The following ARHGEF6 variants were observed in gnomAD, a reference collection of about 807,000 sequenced individuals.
ARHGEF6 encodes the protein rho guanine nucleotide exchange factor 6.
In ARHGEF6, 9 loss-of-function variants were observed where a neutral mutation model predicts 70.3. The observed-to-expected ratio is 0.13, with a 90% confidence interval of 0.08 to 0.22. ARHGEF6 has a LOEUF of 0.22. ARHGEF6 is among the 10% of genes least tolerant of loss of function. The probability of loss-of-function intolerance (pLI) is 1.00; values close to 1 mark genes in which losing one functional copy is unlikely to be tolerated. For missense variants in ARHGEF6, 470 were observed against 563.0 expected (o/e 0.83, Z 1.67); for synonymous variants, 201 against 207.8 (o/e 0.97, Z 0.28).
At chrX:136,735,347 C>T (rs1302695768) in intron 5 of ARHGEF6, among the ~76,000 whole-genome samples, 3 of 110,852 alleles carry the variant, frequency 2.7e-5, no homozygotes, top group Non-Finnish European at 3.8e-5. Context: ...CCTTTGCTCC[C>T]CACCCCGACC....
chrX:136,766,957 C>G (rs142138566), intron 2 of ARHGEF6, among the ~76,000 whole-genome samples: 2,280 of 112,363 alleles, frequency 0.02, 58 homozygotes, highest in African/African-American at 0.069. Context: ...CTCATCTCCC[C>G]CTTCCCGGCA....
intron 13 of ARHGEF6, 135 bp from the exon 14 acceptor site, chrX:136,682,103 G>A: frequency 1.0e-5 from 5 of 502,138 alleles, no homozygotes; most frequent in Non-Finnish European, 1.7e-5. Flanking sequence ...TAGATAATAT[G>A]TTTCCCTGCT....
chrX:136,669,503 G>A lies in ARHGEF6; in HGVS notation c.2169C>T (p.Asp723=), dbSNP rs1176405101. ...SLVDTVYALK[D]EVRELKQENK... is the part of the protein sequence containing the mutation. ...TTACCTGCTTCAGTTCTCTGACCTC[G>A]TCCTTCAAGGCGTAAACAGTATCAA... The change falls in exon 21 of 22, where the codon GAC becomes GAT. Residue 723 remains aspartate (D), a synonymous_variant. Transcript: ENST00000250617. 21 of 1,207,489 alleles carry A rather than the reference G, an allele frequency of 1.7e-5. No homozygotes were observed. Among genetic ancestry groups the A allele is most frequent in the East Asian group, 3.0e-5 (1 of 33,779 alleles).
chrX:136,776,968 T>C (rs1488904714), intron 2 of ARHGEF6, among the ~76,000 whole-genome samples: 2 of 112,116 alleles, frequency 1.8e-5, no homozygotes, highest in African/African-American at 6.5e-5. Context: ...CTCACGCCTG[T>C]AATCCCAGCA....
At chrX:136,691,033 T>C (rs936662699) in intron 9 of ARHGEF6, among the ~76,000 whole-genome samples, 2 of 110,308 alleles carry the variant, frequency 1.8e-5, no homozygotes, top group Non-Finnish European at 3.8e-5. Context: ...ACAGGCTCTG[T>C]TCTCTGATGG....
Position 136,665,577 on chromosome X carries a change from G to C in ARHGEF6, c.*2452C>G, listed in dbSNP as rs779540237. ...TTTATAAAGCACTGTTTATTTTTAT[G>C]TATTGAAAATGTCCATTTTAAAAGT... On this transcript the variant is annotated 3_prime_UTR_variant, in exon 22 of 22. Coordinates refer to ENST00000250617, the MANE Select transcript of ARHGEF6 (RefSeq NM_004840.3). 8.9e-6 allele frequency: 1 copy of C among 112,670 alleles called. No individual in the cohort carries two copies. Among genetic ancestry groups the C allele is most frequent in the Non-Finnish European group, 1.9e-5 (1 of 53,289 alleles). 9.3% of individuals were successfully genotyped at this position (112,670 alleles called of 1,213,427 possible). A position where few individuals can be genotyped will look rare whatever the true frequency, so the allele number is the denominator to read the frequency against.
At chrX:136,709,489 T>C (rs1399732981) in intron 7 of ARHGEF6, among the ~76,000 whole-genome samples, 1 of 113,019 alleles carries the variant, frequency 8.8e-6, no homozygotes, top group Admixed American at 9.3e-5. Context: ...AGGTAGGTAT[T>C]ATGCCAGTGC....
chrX:136,687,765 T>C (rs1468979907), intron 11 of ARHGEF6, among the ~76,000 whole-genome samples, 167 bp downstream of exon 11: 1 of 112,416 alleles, frequency 8.9e-6, no homozygotes, highest in Admixed American at 9.4e-5. Flanking sequence ...TAGGTAAGCA[T>C]GATTTTTGGA....
chrX:136,676,087 C>T (rs1369233871), intron 18 of ARHGEF6, among the ~76,000 whole-genome samples: 2 of 112,343 alleles, frequency 1.8e-5, no homozygotes, highest in African/African-American at 6.5e-5. Flanking sequence ...CCCAAAGTAC[C>T]TTGTGTCCCA....
intron 2 of ARHGEF6, among the ~76,000 whole-genome samples, chrX:136,749,256 C>A (rs1389423227): frequency 4.5e-5 from 5 of 111,376 alleles, no homozygotes; most frequent in Non-Finnish European, 1.9e-5. Context: ...TCTAGTATCT[C>A]CGGGGATTTC....
chrX:136,679,833 T>C (rs996745529), intron 15 of ARHGEF6, among the ~76,000 whole-genome samples, 173 bp from the exon 16 acceptor site: 1 of 112,360 alleles, frequency 8.9e-6, no homozygotes, highest in Non-Finnish European at 1.9e-5. Context: ...GTCCAGATTA[T>C]CGGGTCTCTA....
At position 136,727,401 on chromosome X, in the gene ARHGEF6, C is replaced by T. The variant is rs866971965; in HGVS notation, c.732+4701G>A. Among the ~76,000 whole-genome samples the T allele has an allele frequency of 6.8e-4, 62 of 91,615 alleles. 1 individual carries two copies. Among genetic ancestry groups the T allele is most frequent in the African/African-American group, 2.0e-3 (47 of 23,357 alleles). The allele number at this position is 91,615 out of a possible 115,157, so 79.6% of individuals were successfully genotyped here. ...TCTTTCTTTCTTTCTTTCTTTCTCT[C>T]TCTCTCTCTCTCTTTCTTTCTTTCT... On this transcript the variant is annotated intron_variant, in intron 6 of 21. Coordinates refer to ENST00000250617, the MANE Select transcript of ARHGEF6 (RefSeq NM_004840.3).
intron 14 of ARHGEF6, among the ~76,000 whole-genome samples, chrX:136,681,128 T>C (rs183253331): frequency 8.9e-6 from 1 of 112,558 alleles, no homozygotes; most frequent in Non-Finnish European, 1.9e-5. Context: ...TTAAAAGTAG[T>C]GTAAAACTTC....
intron 2 of ARHGEF6, among the ~76,000 whole-genome samples, chrX:136,769,241 GTCTCTAC>G (rs2077346208): frequency 1.8e-5 from 2 of 110,193 alleles, no homozygotes; most frequent in African/African-American, 6.6e-5. Context: ...GCGAAACCCT[GTCTCTAC>G]TAAAAATACA....
rs565850714 is a variant in ARHGEF6, at chrX:136,713,355, G to C, written c.748C>G (p.Leu250Val). The change falls in exon 7 of 22, where the codon CTG (leucine) becomes GTG (valine). Residue 250 changes from leucine to valine, a missense_variant. Physicochemically the swap from Leu to Val is conservative, Grantham distance 32. This residue lies in a region of ARHGEF6 where 379 missense variants were observed against 449.3 expected (regional missense o/e 0.84). Coordinates refer to ENST00000250617, the MANE Select transcript of ARHGEF6 (RefSeq NM_004840.3). ...TTAGCATATTCTTTTTCAGTGTCCA[G>C]GATGTTCTGTAACACCTATGGAAAA... ...NYYTVVLQNI[L>V]DTEKEYAKEL... The C allele has an allele frequency of 6.7e-6, 8 of 1,202,533 alleles. No individual in the cohort carries two copies. Among genetic ancestry groups the C allele is most frequent in the Non-Finnish European group, 9.0e-6 (8 of 888,143 alleles).
chrX:136,740,304 C>T (rs1442096151), intron 5 of ARHGEF6, among the ~76,000 whole-genome samples: 1 of 111,354 alleles, frequency 9.0e-6, no homozygotes, highest in Non-Finnish European at 1.9e-5. Flanking sequence ...CCACCGTGCC[C>T]GGCCCCAAGT....
chrX:136,749,962 T>C (rs1018487699), intron 2 of ARHGEF6, among the ~76,000 whole-genome samples: 9 of 112,280 alleles, frequency 8.0e-5, no homozygotes, highest in African/African-American at 2.9e-4. Context: ...CTTTCTTCCA[T>C]GCACTTCAGA....
At chrX:136,687,059 C>G (rs1467656308) in intron 11 of ARHGEF6, among the ~76,000 whole-genome samples, 2 of 110,320 alleles carry the variant, frequency 1.8e-5, no homozygotes, top group African/African-American at 6.6e-5. Flanking sequence ...CCTATTTATA[C>G]AAGAAAAAAT....
chrX:136,734,670 C>T (rs900247011), intron 5 of ARHGEF6, among the ~76,000 whole-genome samples: 1 of 111,736 alleles, frequency 8.9e-6, no homozygotes, highest in Non-Finnish European at 1.9e-5. Flanking sequence ...TACACTGACA[C>T]CAAAACCATA....
Sources: gnomAD v4.1 joint callset for allele counts (sites outside exome capture counted in the v4.1 genomes callset) on GRCh38, gnomAD v4.1.1 for gene constraint, gnomAD v4.1.1 regional missense constraint, MANE v1.5 for transcripts, NCBI Gene and HGNC (gene_info 2026-07-23, HGNC 2026-07-21) for gene names.